The following MRGPRX2 variants were observed in gnomAD, a reference collection of about 807,000 sequenced individuals.
MRGPRX2 encodes MAS related GPR family member X2, also known as mas-related G protein-coupled receptor member X2.
For synonymous variants in MRGPRX2, 183 were observed against 175.6 expected (o/e 1.04, Z -0.33); for missense variants, 389 against 404.5 (o/e 0.96, Z 0.33).
chr11:19,058,032 C>T (rs781463313), intron 1 of MRGPRX2, among the ~76,000 whole-genome samples: 12 of 152,070 alleles, frequency 7.9e-5, no homozygotes, highest in South Asian at 2.1e-4. Context: ...AATGGAATGT[C>T]GAAATTGCAG....
At chr11:19,059,611 TA>T (rs529880682) in intron 1 of MRGPRX2, among the ~76,000 whole-genome samples, 1 of 151,328 alleles carries the variant, frequency 6.6e-6, no homozygotes, top group South Asian at 2.1e-4. Context: ...GTCAAACAAT[TA>T]AAAAAAAGGG....
At chr11:19,060,014 G>T (rs1849654883) in intron 1 of MRGPRX2, among the ~76,000 whole-genome samples, 1 of 133,598 alleles carries the variant, frequency 7.5e-6, no homozygotes, top group Non-Finnish European at 1.6e-5. Context: ...CTTTCCTGTA[G>T]CCACAGCTAT....
rs1849613393 is a variant in MRGPRX2 at position 19,055,988 on chromosome 11, A to C, written c.415T>G (p.Cys139Gly). Residue 139 changes from cysteine to glycine, a missense_variant, in exon 2 of 2, where the codon TGC becomes GGC. Coordinates refer to ENST00000329773, the MANE Select transcript of MRGPRX2 (RefSeq NM_054030.4). Reference protein sequence around the residue: ...LSVLWPIWYRCRRPRHLSAVV... With the variant: ...LSVLWPIWYRGRRPRHLSAVV... ...GCTGACAGGTGTCTGGGGCGGCGGC[A>C]GCGATACCAGATGGGCCACAGGACG... is the stretch of plus-strand genomic sequence containing the variant. 1 of 1,614,114 alleles carries C rather than the reference A, an allele frequency of 6.2e-7. No homozygotes were observed. Among genetic ancestry groups the C allele is most frequent in the South Asian group, 1.1e-5 (1 of 91,088 alleles).
At chr11:19,056,568 A>G (rs1849622758) in intron 1 of MRGPRX2, 141 bp from the exon 2 acceptor site, 1 of 803,846 alleles carries the variant, frequency 1.2e-6, no homozygotes, top group East Asian at 2.5e-5. Context: ...ATTAAGGGCC[A>G]GGGAGTCCTA....
chr11:19,059,501 A>G (rs1048315418), intron 1 of MRGPRX2, among the ~76,000 whole-genome samples: 1 of 152,170 alleles, frequency 6.6e-6, no homozygotes, highest in African/African-American at 2.4e-5. Flanking sequence ...GGGAGTACCT[A>G]TGTACTCCCA....
chr11:19,058,226 C>T (rs977616248), intron 1 of MRGPRX2, among the ~76,000 whole-genome samples: 1 of 152,160 alleles, frequency 6.6e-6, no homozygotes, highest in Non-Finnish European at 1.5e-5. Flanking sequence ...GGTTGGAGGC[C>T]TCCAAGGGGA....
Position 19,056,219 on chromosome 11 carries a change from T to C in MRGPRX2, c.184A>G (p.Asn62Asp). 6.2e-7 allele frequency: 1 copy of C among 1,614,082 alleles called. No homozygotes were observed. Among genetic ancestry groups the C allele is most frequent in the South Asian group, 1.1e-5 (1 of 91,078 alleles). The change falls in exon 2 of 2, where the codon AAC becomes GAC. Residue 62 changes from asparagine to aspartate, a missense_variant. Asn to Asp is a conservative substitution (Grantham distance 23). Transcript: ENST00000329773. ...LWLLGFRMRR[N>D]AFSVYVLSLA... is the part of the protein sequence containing the mutation. ...CTGAGGACGTAGACAGAGAAGGCGT[T>C]CCTGCGCATGCGGAAGCCCAGGAGC...
At position 19,057,456 on chromosome 11, in the gene MRGPRX2, GGA is replaced by G. The variant is rs554743473; in HGVS notation, c.-25-1031_-25-1030del. 1.5e-4 allele frequency among the ~76,000 whole-genome samples: 23 copies of G among 152,322 alleles called. No homozygotes were observed. In the South Asian group the frequency reaches 4.8e-3, roughly 32 times the overall value. Reference sequence around the variant, plus strand: ...AGGAAAAGGGGGCAATTTGGGAAAAGGAGAGAGAGGCAGCAATTGAGAGTGTC... The same window carrying G: ...AGGAAAAGGGGGCAATTTGGGAAAAGGAGAGAGGCAGCAATTGAGAGTGTC... On this transcript the variant is annotated intron_variant, in intron 1 of 1. Transcript: ENST00000329773.
intron 1 of MRGPRX2, among the ~76,000 whole-genome samples, chr11:19,057,168 C>T (rs576830585): frequency 1.3e-5 from 2 of 152,160 alleles, no homozygotes; most frequent in African/African-American, 4.8e-5. Flanking sequence ...AAGTGGAACA[C>T]CAACATTTTA....
At chr11:19,060,249 G>A (rs1379392643) in intron 1 of MRGPRX2, among the ~76,000 whole-genome samples, 2 of 152,308 alleles carry the variant, frequency 1.3e-5, no homozygotes, top group Admixed American at 6.5e-5. Flanking sequence ...CTGGGACAAT[G>A]ACAGATATGA....
In MRGPRX2 at chr11:19,055,927, A is replaced by G. The variant is rs771205658; in HGVS notation, c.476T>C (p.Leu159Pro). 3.1e-6 allele frequency: 5 copies of G among 1,614,142 alleles called. No individual in the cohort carries two copies. The highest frequency in any genetic ancestry group is 1.1e-5 in the South Asian group (1 of 91,090). ...GAACTTCCCTTCCAAGATGCTCAGCAGTAGGGACAGGGCCCAGAGCAGGAC... is the reference window on the plus strand; with the variant it reads ...GAACTTCCCTTCCAAGATGCTCAGCGGTAGGGACAGGGCCCAGAGCAGGAC... The part of the protein sequence containing the change: ...VCVLLWALSL[L>P]LSILEGKFCG... Residue 159 changes from leucine to proline, a missense_variant, in exon 2 of 2, where the codon CTG (leucine) becomes CCG (proline). Physicochemically the swap from Leu to Pro is moderately conservative, Grantham distance 98. Coordinates refer to ENST00000329773, the MANE Select transcript of MRGPRX2 (RefSeq NM_054030.4).
chr11:19,054,895 TATTC>T lies in MRGPRX2; in HGVS notation c.*511_*514del, dbSNP rs1289513771. 6.6e-6 allele frequency: 1 copy of T among 152,372 alleles called. No homozygotes were observed. Among genetic ancestry groups the T allele is most frequent in the Non-Finnish European group, 1.5e-5 (1 of 68,144 alleles). 9.4% of individuals were successfully genotyped at this position (152,372 alleles called of 1,614,324 possible). ...GGTTTAACTTAAACATTAACCAGTT[TATTC>T]ATTCATTAAGCCATTCAACAAAGAT... On this transcript the variant is annotated 3_prime_UTR_variant, in exon 2 of 2. Coordinates refer to ENST00000329773, the MANE Select transcript of MRGPRX2 (RefSeq NM_054030.4).
chr11:19,059,611 T>A lies in MRGPRX2; in HGVS notation c.-26+1008A>T, dbSNP rs191133279. On this transcript the variant is annotated intron_variant, in intron 1 of 1. Coordinates refer to ENST00000329773, the MANE Select transcript of MRGPRX2 (RefSeq NM_054030.4). ...ACACTAGATGGGAAGGTCAAACAAT[T>A]AAAAAAAAGGGAGGTGATAGAATGA... Among the ~76,000 whole-genome samples the A allele has an allele frequency of 4.5e-3, 685 of 151,440 alleles. 6 individuals carry two copies. The highest frequency in any genetic ancestry group is 3.1e-3 in the Non-Finnish European group (208 of 67,792).
chr11:19,060,294 C>T (rs1013739568), intron 1 of MRGPRX2, among the ~76,000 whole-genome samples: 3 of 152,212 alleles, frequency 2.0e-5, no homozygotes, highest in Non-Finnish European at 4.4e-5. Context: ...AAAATCAGTG[C>T]AACCTGAGGT....
Position 19,054,979 on chromosome 11 carries a change from T to G in MRGPRX2, c.*431A>C. The G allele has an allele frequency of 6.4e-6, 1 of 155,494 alleles. No individual in the cohort carries two copies. The highest frequency in any genetic ancestry group is 2.0e-4 in the South Asian group (1 of 5,048). The allele number at this position is 155,494 out of a possible 1,614,324, so 9.6% of individuals were successfully genotyped here. On this transcript the variant is annotated 3_prime_UTR_variant, in exon 2 of 2. Transcript: ENST00000329773. ...TGCCAAAATGAAAGACGACTGCTCT[T>G]TTGGAGCTAGTTTTAAATTTAATTC...
intron 1 of MRGPRX2, among the ~76,000 whole-genome samples, chr11:19,060,034 T>G (rs1238820687): frequency 2.0e-5 from 3 of 151,516 alleles, no homozygotes; most frequent in Non-Finnish European, 2.9e-5. Context: ...TAGTTACAGT[T>G]ACAGTTACCG....
chr11:19,055,950 G>T lies in MRGPRX2; in HGVS notation c.453C>A (p.Val151=). The change falls in exon 2 of 2, where the codon GTC becomes GTA. Residue 151 remains valine (V), a synonymous_variant. Transcript: ENST00000329773. Reference sequence around the variant, plus strand: ...GCAGTAGGGACAGGGCCCAGAGCAGGACACACACGACCGCTGACAGGTGTC... The same window carrying T: ...GCAGTAGGGACAGGGCCCAGAGCAGTACACACACGACCGCTGACAGGTGTC... ...RPRHLSAVVC[V]LLWALSLLLS... 1 of 1,614,210 alleles carries T rather than the reference G, an allele frequency of 6.2e-7. No individual in the cohort carries two copies. The highest frequency in any genetic ancestry group is 8.5e-7 in the Non-Finnish European group (1 of 1,180,038).
At chr11:19,059,311 G>A (rs1201518627) in intron 1 of MRGPRX2, among the ~76,000 whole-genome samples, 1 of 152,176 alleles carries the variant, frequency 6.6e-6, no homozygotes, top group Non-Finnish European at 1.5e-5. Flanking sequence ...GGACCATGAG[G>A]GTAAGGGTAC....
In MRGPRX2 at chr11:19,054,574, C is replaced by T. The variant is rs1849594732; in HGVS notation, c.*836G>A. On this transcript the variant is annotated 3_prime_UTR_variant, in exon 2 of 2. Coordinates refer to ENST00000329773, the MANE Select transcript of MRGPRX2 (RefSeq NM_054030.4). ...AAGGTAAATCTGACATACAGCCTGTCCTCCAAGAACATGGAGTCTATAAGA... is the reference window on the plus strand; with the variant it reads ...AAGGTAAATCTGACATACAGCCTGTTCTCCAAGAACATGGAGTCTATAAGA... 6.6e-6 allele frequency: 1 copy of T among 152,152 alleles called. No homozygotes were observed. Among genetic ancestry groups the T allele is most frequent in the Non-Finnish European group, 1.5e-5 (1 of 68,030 alleles). 9.4% of individuals were successfully genotyped at this position (152,152 alleles called of 1,614,324 possible). A position where few individuals can be genotyped will look rare whatever the true frequency, so the allele number is the denominator to read the frequency against.
Sources: allele counts gnomAD v4.1 joint callset (sites outside exome capture counted in the v4.1 genomes callset), GRCh38; gene constraint gnomAD v4.1.1; transcripts MANE v1.5; gene names NCBI Gene and HGNC (gene_info 2026-07-23, HGNC 2026-07-21).